The following MKLN1 variants were observed in gnomAD, a reference collection of about 807,000 sequenced individuals.
MKLN1 encodes the protein muskelin 1, also known as muskelin.
MKLN1 carries 18 observed loss-of-function variants against 99.0 expected under a neutral mutation model. The ratio of observed to expected loss-of-function variants is 0.18; its 90% CI spans 0.13 to 0.27. The LOEUF (loss-of-function observed/expected upper bound fraction) is 0.27. MKLN1 is among the 10% of genes least tolerant of loss of function. The pLI is 1.00. For synonymous variants in MKLN1, 288 were observed against 293.2 expected, an observed-to-expected ratio of 0.98 and a Z score of 0.18; for missense variants, 621 against 875.9, an observed-to-expected ratio of 0.71 and a Z score of 3.67.
At chr7:131,433,232 G>GT (rs972936198) in intron 9 of MKLN1, among the ~76,000 whole-genome samples, 3 of 152,124 alleles carry the variant, frequency 2.0e-5, no homozygotes, top group African/African-American at 7.2e-5. Context: ...CAGGGCAGTT[G>GT]TTTTTTAGAG....
chr7:131,405,138 G>C (rs912140547), intron 6 of MKLN1, among the ~76,000 whole-genome samples: 1 of 151,890 alleles, frequency 6.6e-6, no homozygotes, highest in African/African-American at 2.4e-5. Flanking sequence ...CAAATTTATG[G>C]GTATTAAGGT....
chr7:131,392,208 G>C (rs1051302088), intron 4 of MKLN1, among the ~76,000 whole-genome samples: 1 of 152,162 alleles, frequency 6.6e-6, no homozygotes, highest in African/African-American at 2.4e-5. Flanking sequence ...AAGAGGTACA[G>C]GGTCTTGGAA....
intron 3 of MKLN1, among the ~76,000 whole-genome samples, chr7:131,316,602 T>G (rs1038817786): frequency 6.6e-6 from 1 of 151,990 alleles, no homozygotes; most frequent in African/African-American, 2.4e-5. Flanking sequence ...GGACAAATAA[T>G]GAGATTAACG....
chr7:131,210,747 A>AGAG (rs1563253575), intron 3 of MKLN1, among the ~76,000 whole-genome samples: 2 of 54 alleles, frequency 0.037, 1 homozygote, highest in Non-Finnish European at 0.059. Context: ...GAAGGGAGGG[A>AGAG]GGGAGGGAGG....
intron 2 of MKLN1, among the ~76,000 whole-genome samples, chr7:131,175,025 T>C (rs1796274029): frequency 7.7e-6 from 1 of 129,962 alleles, no homozygotes; most frequent in African/African-American, 2.9e-5. Context: ...GGTATATAGA[T>C]AGGCAGATGG....
At chr7:131,292,405 G>A (rs1432716417) in intron 3 of MKLN1, among the ~76,000 whole-genome samples, 1 of 152,112 alleles carries the variant, frequency 6.6e-6, no homozygotes, top group East Asian at 1.9e-4. Context: ...ATTAGGGCTC[G>A]AATCATGTCC....
intron 3 of MKLN1, among the ~76,000 whole-genome samples, chr7:131,291,802 A>T (rs1362741665): frequency 6.6e-6 from 1 of 151,320 alleles, no homozygotes; most frequent in East Asian, 1.9e-4. Context: ...ATTTAAATTT[A>T]AAAAAAAAAG....
rs547047404 is a variant in MKLN1 at position 131,372,316 on chromosome 7, A to C, written c.99-3108A>C. On this transcript the variant is annotated intron_variant, in intron 1 of 17. Coordinates refer to ENST00000352689, the MANE Select transcript of MKLN1 (RefSeq NM_013255.5). Reference sequence around the variant, plus strand: ...ATATCTTCAATCTTCTGTGTTTTCTAATTCATTTTTGGGAAAAAGCTTTTT... The same window carrying C: ...ATATCTTCAATCTTCTGTGTTTTCTCATTCATTTTTGGGAAAAAGCTTTTT... Among the ~76,000 whole-genome samples, 69 of 152,172 alleles carry C rather than the reference A, an allele frequency of 4.5e-4. No individual in the cohort carries two copies. In the South Asian group the frequency reaches 0.014, roughly 31 times the overall value.
intron 1 of MKLN1, among the ~76,000 whole-genome samples, chr7:131,361,640 A>G (rs1374118072): frequency 6.7e-6 from 1 of 148,612 alleles, no homozygotes; most frequent in Non-Finnish European, 1.5e-5. Context: ...TTTAACACTT[A>G]AATCTCTCTG....
chr7:131,253,031 G>A (rs544657327), intron 3 of MKLN1, among the ~76,000 whole-genome samples: 1 of 152,222 alleles, frequency 6.6e-6, no homozygotes, highest in African/African-American at 2.4e-5. Context: ...GGTAGTATGA[G>A]GAGCTTTACA....
At chr7:131,336,453 G>A (rs1799253350) in intron 1 of MKLN1, among the ~76,000 whole-genome samples, 1 of 151,024 alleles carries the variant, frequency 6.6e-6, no homozygotes. Context: ...TTGGGTTTAT[G>A]TCTGTCATTT....
At chr7:131,237,041 C>T (rs911628423) in intron 3 of MKLN1, among the ~76,000 whole-genome samples, 1 of 152,128 alleles carries the variant, frequency 6.6e-6, no homozygotes, top group Admixed American at 6.6e-5. Context: ...CTGGTTCCCC[C>T]CAAGCTCTCA....
Position 131,495,145 on chromosome 7 carries a change from T to A in MKLN1, c.*7417T>A, listed in dbSNP as rs1300262600. On this transcript the variant is annotated 3_prime_UTR_variant, in exon 18 of 18. Transcript: ENST00000352689. Reference sequence around the variant, plus strand: ...GTTTGGGAAAGATGTTAGAATTTTTTAAAAGTCAGCTCTTTTATAAATTGG... The same window carrying A: ...GTTTGGGAAAGATGTTAGAATTTTTAAAAAGTCAGCTCTTTTATAAATTGG... The A allele has an allele frequency of 5.9e-5, 9 of 152,222 alleles. No homozygotes were observed. Among genetic ancestry groups the A allele is most frequent in the Non-Finnish European group, 1.2e-4 (8 of 68,036 alleles). The allele number at this position is 152,222 out of a possible 1,614,324, so 9.4% of individuals were successfully genotyped here. A position where few individuals can be genotyped will look rare whatever the true frequency, so the allele number is the denominator to read the frequency against.
chr7:131,337,780 A>G (rs917529687), intron 1 of MKLN1, among the ~76,000 whole-genome samples: 1 of 150,816 alleles, frequency 6.6e-6, no homozygotes, highest in African/African-American at 2.4e-5. Context: ...TCTATTGTAT[A>G]TTATATAAAT....
rs1385478715 is a variant in MKLN1, at chr7:131,387,210, T to C, written c.259T>C (p.Phe87Leu). 6.2e-7 allele frequency: 1 copy of C among 1,612,804 alleles called. No homozygotes were observed. Among genetic ancestry groups the C allele is most frequent in the Admixed American group, 1.7e-5 (1 of 59,942 alleles). The stretch of plus-strand genomic sequence containing the variant: ...AACTCATGTTTGCAATTTGAAGAAA[T>C]TTAAAGTCTTTGGTGGAATGAATGA... ...EKTHVCNLKKFKVFGGMNEEN... is the reference protein window; with the variant it reads ...EKTHVCNLKKLKVFGGMNEEN... Residue 87 changes from phenylalanine (F) to leucine (L), a missense_variant, in exon 3 of 18, where the codon TTT (phenylalanine) becomes CTT (leucine). Around this residue, in one of 8 missense-constraint regions of MKLN1, gnomAD observed 361 missense variants for 540.8 expected, o/e 0.67. Coordinates refer to ENST00000352689, the MANE Select transcript of MKLN1 (RefSeq NM_013255.5).
chr7:131,185,957 C>G (rs1796444299), intron 2 of MKLN1, among the ~76,000 whole-genome samples: 1 of 151,820 alleles, frequency 6.6e-6, no homozygotes, highest in Middle Eastern at 3.4e-3. Flanking sequence ...CTTTGGGAGG[C>G]TGAGGTGGGC....
chr7:131,408,240 T>C (rs899096355), intron 6 of MKLN1, among the ~76,000 whole-genome samples: 1 of 152,186 alleles, frequency 6.6e-6, no homozygotes, highest in African/African-American at 2.4e-5. Flanking sequence ...TAGTTCAGTG[T>C]CATAATATTG....
At chr7:131,284,627 C>G (rs1798105878) in intron 3 of MKLN1, among the ~76,000 whole-genome samples, 1 of 152,128 alleles carries the variant, frequency 6.6e-6, no homozygotes, top group South Asian at 2.1e-4. Flanking sequence ...GATCTAAAGC[C>G]CTACCTTTGC....
At chr7:131,292,157 T>G (rs758008555) in intron 3 of MKLN1, among the ~76,000 whole-genome samples, 1 of 152,140 alleles carries the variant, frequency 6.6e-6, no homozygotes, top group African/African-American at 2.4e-5. Flanking sequence ...CTAGTCAAAT[T>G]TGAGGCAAGT....
Sources: allele counts gnomAD v4.1 joint callset (sites outside exome capture counted in the v4.1 genomes callset), GRCh38; gene constraint gnomAD v4.1.1; regional missense constraint gnomAD v4.1.1; transcripts MANE v1.5; gene names NCBI Gene and HGNC (gene_info 2026-07-23, HGNC 2026-07-21).